The following TLL1 variants were observed in gnomAD, a reference collection of about 807,000 sequenced individuals.
TLL1 encodes tolloid like 1.
TLL1 carries 49 observed loss-of-function variants against 128.2 expected under a neutral mutation model. That is an observed-to-expected ratio of 0.38 (90% CI 0.30 to 0.48). The LOEUF is 0.48. TLL1 is among the 20% of genes least tolerant of loss of function. TLL1 has a pLI of 0.96. For missense variants in TLL1, 1,123 were observed against 1,242.0 expected, an observed-to-expected ratio of 0.90 and a Z score of 1.44; for synonymous variants, 454 against 418.8, an observed-to-expected ratio of 1.08 and a Z score of -1.03.
intron 7 of TLL1, 45 bp downstream of exon 7, chr4:166,008,093 C>T (rs1737520463): frequency 7.3e-7 from 1 of 1,377,226 alleles, no homozygotes; most frequent in Non-Finnish European, 1.0e-6. Context: ...TTCCTTTCCT[C>T]CATGTGGCTC....
At chr4:166,043,909 T>C (rs560044943) in intron 12 of TLL1, among the ~76,000 whole-genome samples, 1 of 152,070 alleles carries the variant, frequency 6.6e-6, no homozygotes, top group South Asian at 2.1e-4. Flanking sequence ...AAAATATTCA[T>C]CAGGGAGATC....
At chr4:166,041,711 C>T (rs1282390413) in intron 10 of TLL1, among the ~76,000 whole-genome samples, 2 of 152,086 alleles carry the variant, frequency 1.3e-5, no homozygotes, top group African/African-American at 4.8e-5. Flanking sequence ...AATAATATTC[C>T]CCACCTTGAT....
chr4:166,017,367 C>T (rs758881595), intron 8 of TLL1, among the ~76,000 whole-genome samples: 27 of 151,950 alleles, frequency 1.8e-4, no homozygotes, highest in Non-Finnish European at 3.4e-4. Context: ...ATTCCATGGC[C>T]TTGCTATTGT....
At chr4:165,910,074 G>A (rs1408012918) in intron 1 of TLL1, among the ~76,000 whole-genome samples, 2 of 152,104 alleles carry the variant, frequency 1.3e-5, no homozygotes, top group African/African-American at 2.4e-5. Flanking sequence ...AAGGACAGGA[G>A]GAATCACGCT....
chr4:166,039,866 C>T (rs1178315590), intron 10 of TLL1, among the ~76,000 whole-genome samples: 2 of 152,052 alleles, frequency 1.3e-5, no homozygotes, highest in African/African-American at 2.4e-5. Context: ...CTGTTAGGTA[C>T]ATGTTTGGTA....
At chr4:165,903,012 A>C (rs1732072225) in intron 1 of TLL1, among the ~76,000 whole-genome samples, 1 of 152,198 alleles carries the variant, frequency 6.6e-6, no homozygotes, top group African/African-American at 2.4e-5. Flanking sequence ...CATCAAAATT[A>C]ATAAGTTCTG....
chr4:165,904,229 G>A (rs78787263), intron 1 of TLL1, among the ~76,000 whole-genome samples: 55 of 152,060 alleles, frequency 3.6e-4, no homozygotes, highest in Middle Eastern at 6.8e-3. Flanking sequence ...TTGATTACTC[G>A]GCCAACTACT....
At chr4:166,081,510 C>T (rs1395493039) in intron 18 of TLL1, among the ~76,000 whole-genome samples, 4 of 152,120 alleles carry the variant, frequency 2.6e-5, no homozygotes, top group African/African-American at 9.7e-5. Flanking sequence ...TGTGCAAGCT[C>T]CCCTCGTATC....
At chr4:166,017,936 G>T (rs986853696) in intron 8 of TLL1, among the ~76,000 whole-genome samples, 2 of 152,138 alleles carry the variant, frequency 1.3e-5, no homozygotes, top group East Asian at 1.9e-4. Context: ...CACTGATGCA[G>T]TAGGTTTACC....
At chr4:165,921,954 AC>A (rs5863788) in intron 1 of TLL1, among the ~76,000 whole-genome samples, 55,281 of 152,128 alleles carry the variant, frequency 0.36, 10,872 homozygotes, top group East Asian at 0.65. Context: ...ATACAGAGAA[AC>A]CTGAATTATA....
intron 1 of TLL1, among the ~76,000 whole-genome samples, chr4:165,903,696 C>A (rs139391979): frequency 6.6e-6 from 1 of 150,990 alleles, no homozygotes; most frequent in Non-Finnish European, 1.5e-5. Context: ...CCGTCGTAAG[C>A]CACTGCGCCC....
At chr4:166,035,371 A>G (rs537850748) in intron 9 of TLL1, among the ~76,000 whole-genome samples, 3 of 152,176 alleles carry the variant, frequency 2.0e-5, no homozygotes, top group Non-Finnish European at 4.4e-5. Context: ...CTGAATATAT[A>G]CCATGAAAAT....
intron 18 of TLL1, among the ~76,000 whole-genome samples, chr4:166,084,471 A>G (rs879633137): frequency 5.3e-5 from 8 of 152,076 alleles, no homozygotes; most frequent in Non-Finnish European, 1.0e-4. Context: ...GACCAATGTC[A>G]TGGAACTTTT....
At chr4:165,960,290 A>G in intron 1 of TLL1, among the ~76,000 whole-genome samples, 1 of 152,132 alleles carries the variant, frequency 6.6e-6, no homozygotes, top group Non-Finnish European at 1.5e-5. Context: ...GAACAGACCA[A>G]TAATGAATTG....
chr4:166,092,913 G>A (rs1006882487), intron 19 of TLL1, among the ~76,000 whole-genome samples: 6 of 152,088 alleles, frequency 3.9e-5, no homozygotes, highest in Middle Eastern at 3.2e-3. Flanking sequence ...TTTCTCATCT[G>A]TAAAATAATA....
intron 1 of TLL1, among the ~76,000 whole-genome samples, chr4:165,895,789 G>A (rs1731650253): frequency 6.6e-6 from 1 of 152,030 alleles, no homozygotes; most frequent in Non-Finnish European, 1.5e-5. Context: ...TACAGCTACA[G>A]TACTCAAGAC....
chr4:166,011,029 G>A (rs531068321), intron 7 of TLL1, among the ~76,000 whole-genome samples: 1 of 150,886 alleles, frequency 6.6e-6, no homozygotes, highest in African/African-American at 2.4e-5. Flanking sequence ...TACCAATACT[G>A]CACTGTTTTG....
intron 1 of TLL1, among the ~76,000 whole-genome samples, chr4:165,911,506 C>T (rs1261091757): frequency 6.6e-6 from 1 of 152,134 alleles, no homozygotes; most frequent in African/African-American, 2.4e-5. Context: ...AAATCGTAAT[C>T]ACTAAATACA....
At chr4:166,031,266 G>A (rs1738754514) in intron 9 of TLL1, among the ~76,000 whole-genome samples, 1 of 151,270 alleles carries the variant, frequency 6.6e-6, no homozygotes, top group South Asian at 2.1e-4. Flanking sequence ...AACTATGTAC[G>A]GCTTATTATA....
Sources: gnomAD v4.1 joint callset for allele counts (sites outside exome capture counted in the v4.1 genomes callset) on GRCh38, gnomAD v4.1.1 for gene constraint, MANE v1.5 for transcripts, NCBI Gene and HGNC (gene_info 2026-07-23, HGNC 2026-07-21) for gene names.